The following SNRPD1 variants were observed in gnomAD, a reference collection of about 807,000 sequenced individuals.
SNRPD1 encodes the protein small nuclear ribonucleoprotein D1 polypeptide.
In SNRPD1, 1 loss-of-function variant was observed where a neutral mutation model predicts 14.4. That is an observed-to-expected ratio of 0.07 (90% CI 0.02 to 0.33). SNRPD1 has a LOEUF of 0.33. Ranked by LOEUF, SNRPD1 falls within the 10% of genes least tolerant of loss-of-function variation. The pLI, the probability that SNRPD1 is intolerant of heterozygous loss-of-function variation, is 1.00. For synonymous variants in SNRPD1, 42 were observed against 50.3 expected (o/e 0.83, Z 0.70); for missense variants, 52 against 146.4 (o/e 0.36, Z 3.33).
At chr18:21,623,157 G>A (rs1231214252) in intron 2 of SNRPD1, among the ~76,000 whole-genome samples, 1 of 151,370 alleles carries the variant, frequency 6.6e-6, no homozygotes, top group Non-Finnish European at 1.5e-5. Context: ...ACAATCTCAG[G>A]TCACTACAAC....
intron 3 of SNRPD1, among the ~76,000 whole-genome samples, chr18:21,624,306 T>C (rs920476212): frequency 6.6e-6 from 1 of 150,490 alleles, no homozygotes; most frequent in Non-Finnish European, 1.5e-5. Context: ...TTGAACCCAG[T>C]AGGCGGAGGT....
chr18:21,617,532 G>C (rs532045600), intron 1 of SNRPD1, among the ~76,000 whole-genome samples: 1 of 152,070 alleles, frequency 6.6e-6, no homozygotes, highest in Non-Finnish European at 1.5e-5. Flanking sequence ...TCTAAAATCT[G>C]TTTCTGAACA....
intron 3 of SNRPD1, among the ~76,000 whole-genome samples, chr18:21,625,026 A>G (rs2039026059): frequency 6.6e-6 from 1 of 152,138 alleles, no homozygotes; most frequent in African/African-American, 2.4e-5. Flanking sequence ...ATAGGCCTAA[A>G]CTACATTTTT....
At chr18:21,619,259 A>G (rs1555675429) in intron 1 of SNRPD1, among the ~76,000 whole-genome samples, 1 of 152,064 alleles carries the variant, frequency 6.6e-6, no homozygotes, top group Non-Finnish European at 1.5e-5. Flanking sequence ...GGCTCACTGC[A>G]ACCTCTGCCT....
intron 1 of SNRPD1, among the ~76,000 whole-genome samples, chr18:21,617,391 G>A (rs1217858941): frequency 6.6e-6 from 1 of 152,126 alleles, no homozygotes. Context: ...AAATAGATCT[G>A]TTTGCTTGTA....
chr18:21,630,319 G>C lies in SNRPD1; in HGVS notation c.*1181G>C, dbSNP rs1427602643. On this transcript the variant is annotated 3_prime_UTR_variant, in exon 4 of 4. Transcript: ENST00000300413. ...CTAAGCTCAGAAAAAATGTCTCTCA[G>C]TGCATCAGTTCTTTGTAAAGCTTAC... is the stretch of plus-strand genomic sequence containing the variant. 6.6e-6 allele frequency: 1 copy of C among 152,058 alleles called. No homozygotes were observed. Among genetic ancestry groups the C allele is most frequent in the Non-Finnish European group, 1.5e-5 (1 of 68,010 alleles). The allele number at this position is 152,058 out of a possible 1,614,324, so 9.4% of individuals were successfully genotyped here.
chr18:21,612,356 A>G lies in SNRPD1; in HGVS notation c.-74A>G, dbSNP rs1433090495. 2.4e-6 allele frequency: 3 copies of G among 1,245,046 alleles called. No homozygotes were observed. The highest frequency in any genetic ancestry group is 1.5e-5 in the African/African-American group (1 of 65,286). The allele number at this position is 1,245,046 out of a possible 1,614,324, so 77.1% of individuals were successfully genotyped here. ...CTGGAGTAGGCGCTTCCGGCCATTCATACTGCAGTCGGTCAGTGTTCGGTT... is the reference window on the plus strand; with the variant it reads ...CTGGAGTAGGCGCTTCCGGCCATTCGTACTGCAGTCGGTCAGTGTTCGGTT... On this transcript the variant is annotated 5_prime_UTR_variant, in exon 1 of 4. Coordinates refer to ENST00000300413, the MANE Select transcript of SNRPD1 (RefSeq NM_006938.4).
intron 1 of SNRPD1, among the ~76,000 whole-genome samples, chr18:21,616,585 T>A (rs1419026740): frequency 1.3e-5 from 2 of 151,740 alleles, no homozygotes; most frequent in Non-Finnish European, 2.9e-5. Context: ...CTCGAACTCC[T>A]GACCTTGTGA....
At chr18:21,620,880 C>T (rs1473082762) in intron 1 of SNRPD1, among the ~76,000 whole-genome samples, 2 of 151,928 alleles carry the variant, frequency 1.3e-5, no homozygotes, top group African/African-American at 4.8e-5. Context: ...AAAAGATATT[C>T]AGGCAGGGCG....
rs2039098332 is a variant in SNRPD1 at position 21,633,163 on chromosome 18, T to A, written c.*4025T>A. On this transcript the variant is annotated 3_prime_UTR_variant, in exon 4 of 4. Coordinates refer to ENST00000300413, the MANE Select transcript of SNRPD1 (RefSeq NM_006938.4). ...CCGCGTCCGGCCGAACATTAGTTTT[T>A]AAAGAAATGTATTATGAATATAGAT... 1 of 152,172 alleles carries A rather than the reference T, an allele frequency of 6.6e-6. No individual in the cohort carries two copies. The highest frequency in any genetic ancestry group is 1.5e-5 in the Non-Finnish European group (1 of 68,028). The allele number at this position is 152,172 out of a possible 1,614,324, so 9.4% of individuals were successfully genotyped here. A position where few individuals can be genotyped will look rare whatever the true frequency, so the allele number is the denominator to read the frequency against.
chr18:21,617,284 C>T (rs760488579), intron 1 of SNRPD1, among the ~76,000 whole-genome samples: 5 of 151,778 alleles, frequency 3.3e-5, no homozygotes, highest in African/African-American at 9.7e-5. Context: ...GGTGAAACCC[C>T]GGCTCTACTA....
In SNRPD1 at chr18:21,623,929, A is replaced by C; in HGVS notation, c.273A>C (p.Lys91Asn). 1 of 1,594,334 alleles carries C rather than the reference A, an allele frequency of 6.3e-7. No homozygotes were observed. The highest frequency in any genetic ancestry group is 8.5e-7 in the Non-Finnish European group (1 of 1,171,562). Residue 91 changes from lysine to asparagine, a missense_variant, in exon 3 of 4, where the codon AAA becomes AAC. Transcript: ENST00000300413. ...TTGAACCTAAGGTGAAATCTAAGAA[A>C]AGGGAAGCTGGTAAGTTTGAAGGAT... Reference protein sequence around the residue: ...VDVEPKVKSKKREAVAGRGRG... With the variant: ...VDVEPKVKSKNREAVAGRGRG...
intron 3 of SNRPD1, among the ~76,000 whole-genome samples, chr18:21,628,010 G>T (rs1463071921): frequency 1.3e-5 from 2 of 152,184 alleles, no homozygotes; most frequent in East Asian, 3.9e-4. Flanking sequence ...CAGTTATTTT[G>T]TGAAATGTCC....
intron 3 of SNRPD1, among the ~76,000 whole-genome samples, chr18:21,624,344 A>C (rs1243308250): frequency 6.7e-6 from 1 of 149,122 alleles, no homozygotes; most frequent in Non-Finnish European, 1.5e-5. Context: ...TCACCACTGC[A>C]CTCCAGCCTG....
Position 21,630,733 on chromosome 18 carries a change from CT to C in SNRPD1, c.*1596del, listed in dbSNP as rs1168428734. 6.7e-6 allele frequency: 1 copy of C among 149,924 alleles called. No individual in the cohort carries two copies. The highest frequency in any genetic ancestry group is 1.5e-5 in the Non-Finnish European group (1 of 67,680). 9.3% of individuals were successfully genotyped at this position (149,924 alleles called of 1,614,324 possible). ...CGAGATTGTGCCACTGCACTCCAGC[CT>C]GGGCGATGGAGTGAGACTACGTCTC... On this transcript the variant is annotated 3_prime_UTR_variant, in exon 4 of 4. Coordinates refer to ENST00000300413, the MANE Select transcript of SNRPD1 (RefSeq NM_006938.4).
chr18:21,629,220 AC>A lies in SNRPD1; in HGVS notation c.*83del. 1 of 1,053,450 alleles carries A rather than the reference AC, an allele frequency of 9.5e-7. No homozygotes were observed. The highest frequency in any genetic ancestry group is 1.3e-5 in the South Asian group (1 of 79,342). 65.3% of individuals were successfully genotyped at this position (1,053,450 alleles called of 1,614,324 possible). A position where few individuals can be genotyped will look rare whatever the true frequency, so the allele number is the denominator to read the frequency against. Reference sequence around the variant, plus strand: ...GTTTGTTTATGTCAGTTTTTAATAAACATAAATGTGGGACAGAGCTGTCTAT... The same window carrying A: ...GTTTGTTTATGTCAGTTTTTAATAAAATAAATGTGGGACAGAGCTGTCTAT... On this transcript the variant is annotated 3_prime_UTR_variant, in exon 4 of 4. Transcript: ENST00000300413.
chr18:21,615,133 G>C (rs1162648504), intron 1 of SNRPD1, among the ~76,000 whole-genome samples: 1 of 152,158 alleles, frequency 6.6e-6, no homozygotes, highest in Non-Finnish European at 1.5e-5. Flanking sequence ...CATACCCCTA[G>C]ATGCAACCAG....
intron 3 of SNRPD1, 22 bp from the exon 4 acceptor site, chr18:21,629,040 G>A (rs1568126723): frequency 1.9e-6 from 3 of 1,605,744 alleles, no homozygotes; most frequent in Non-Finnish European, 2.6e-6. Context: ...ATTGAACTTG[G>A]TTTGTTTTTC....
intron 1 of SNRPD1, among the ~76,000 whole-genome samples, chr18:21,621,564 CT>C (rs1440641726): frequency 1.3e-5 from 2 of 151,810 alleles, no homozygotes; most frequent in African/African-American, 4.8e-5. Context: ...CCTTGCCTCG[CT>C]AATTTATTTT....
Sources: allele counts gnomAD v4.1 joint callset (sites outside exome capture counted in the v4.1 genomes callset), GRCh38; gene constraint gnomAD v4.1.1; transcripts MANE v1.5; gene names NCBI Gene and HGNC (gene_info 2026-07-23, HGNC 2026-07-21).